Variants in SNX29 observed in about 807,000 individuals in gnomAD.
SNX29 encodes sorting nexin 29.
SNX29 carries 78 observed loss-of-function variants against 102.1 expected under a neutral mutation model. The ratio of observed to expected loss-of-function variants is 0.76; its 90% CI spans 0.64 to 0.92. The LOEUF (loss-of-function observed/expected upper bound fraction) is 0.92. SNX29 is among the 40% of genes least tolerant of loss of function. The pLI, the probability that SNX29 is intolerant of heterozygous loss-of-function variation, is 0.00. For synonymous variants in SNX29, 580 were observed against 414.5 expected, an observed-to-expected ratio of 1.40 and a Z score of -4.85; for missense variants, 1,280 against 1,061.7, an observed-to-expected ratio of 1.21 and a Z score of -2.86.
At chr16:12,350,384 G>A (rs921725111) in intron 15 of SNX29, among the ~76,000 whole-genome samples, 7 of 152,172 alleles carry the variant, frequency 4.6e-5, no homozygotes, top group Non-Finnish European at 8.8e-5. Flanking sequence ...ATGATTTAGA[G>A]TATACAGGAG....
At chr16:12,110,194 G>C (rs781774649) in intron 11 of SNX29, among the ~76,000 whole-genome samples, 1 of 152,040 alleles carries the variant, frequency 6.6e-6, no homozygotes, top group Non-Finnish European at 1.5e-5. Context: ...GCTCTCAGAT[G>C]ACTCTCTTCC....
chr16:12,537,747 C>T (rs191950081), intron 20 of SNX29, among the ~76,000 whole-genome samples: 1 of 152,060 alleles, frequency 6.6e-6, no homozygotes, highest in Non-Finnish European at 1.5e-5. Context: ...ACAATGACCT[C>T]TATCCTATGT....
At chr16:12,173,510 C>G (rs570441328) in intron 13 of SNX29, among the ~76,000 whole-genome samples, 1 of 152,320 alleles carries the variant, frequency 6.6e-6, no homozygotes, top group South Asian at 2.1e-4. Flanking sequence ...CTTCAGTGCC[C>G]AAGTGCTGAG....
intron 15 of SNX29, among the ~76,000 whole-genome samples, chr16:12,323,532 A>C (rs910411588): frequency 6.6e-6 from 1 of 151,024 alleles, no homozygotes; most frequent in Non-Finnish European, 1.5e-5. Context: ...AAAAAAAAAA[A>C]TGGTGAACAA....
chr16:12,403,204 G>GTA (rs201925283), intron 17 of SNX29, among the ~76,000 whole-genome samples: 8,786 of 39,878 alleles, frequency 0.22, 295 homozygotes, highest in Middle Eastern at 0.32. Flanking sequence ...GTGTGTGTAT[G>GTA]TGTGTGTGTG....
intron 13 of SNX29, among the ~76,000 whole-genome samples, chr16:12,198,863 A>G (rs1036425071): frequency 1.3e-5 from 2 of 152,246 alleles, no homozygotes; most frequent in African/African-American, 4.8e-5. Context: ...GAGTGGATGC[A>G]TGCTTGGTTC....
chr16:12,230,480 T>C (rs1253932047), intron 14 of SNX29, among the ~76,000 whole-genome samples: 1 of 152,200 alleles, frequency 6.6e-6, no homozygotes. Flanking sequence ...TGACAGCTTG[T>C]TTGTGGAAAC....
chr16:12,521,590 A>G (rs1184883153), intron 19 of SNX29, among the ~76,000 whole-genome samples: 2 of 152,104 alleles, frequency 1.3e-5, no homozygotes, highest in East Asian at 1.9e-4. Context: ...AATCTTCACA[A>G]GTTTTTGCAG....
At chr16:12,548,678 A>C (rs1370285937) in intron 20 of SNX29, among the ~76,000 whole-genome samples, 1 of 152,222 alleles carries the variant, frequency 6.6e-6, no homozygotes, top group African/African-American at 2.4e-5. Context: ...AGTGAAGTTT[A>C]AAGCCCAGAG....
intron 20 of SNX29, among the ~76,000 whole-genome samples, chr16:12,537,118 C>G (rs1426109845): frequency 6.6e-6 from 1 of 152,200 alleles, no homozygotes; most frequent in African/African-American, 2.4e-5. Context: ...TTCCTCCCAG[C>G]TGTTGGTGAA....
chr16:12,487,932 T>G (rs770682896), intron 19 of SNX29, among the ~76,000 whole-genome samples: 2 of 152,160 alleles, frequency 1.3e-5, no homozygotes, highest in Non-Finnish European at 2.9e-5. Context: ...GTGTTTCTCT[T>G]TAATACAGTA....
intron 19 of SNX29, among the ~76,000 whole-genome samples, chr16:12,517,481 C>T (rs2089916279): frequency 6.6e-6 from 1 of 152,238 alleles, no homozygotes; most frequent in South Asian, 2.1e-4. Context: ...GTCCACTCCA[C>T]CACCAGGGAT....
In SNX29 at chr16:12,540,066, T is replaced by G. The variant is rs952270854; in HGVS notation, c.2318+15225T>G. Among the ~76,000 whole-genome samples, 3 of 152,244 alleles carry G rather than the reference T, an allele frequency of 2.0e-5. No individual in the cohort carries two copies. In the East Asian group the frequency reaches 5.8e-4, roughly 29 times the overall value. The stretch of plus-strand genomic sequence containing the variant: ...ACTTTTTGTGTCCCAGATCATGCTT[T>G]TGGTGTCATGTCTACCAATTGTTAG... On this transcript the variant is annotated intron_variant, in intron 20 of 20. Coordinates refer to ENST00000566228, the MANE Select transcript of SNX29 (RefSeq NM_032167.5).
chr16:12,338,453 C>A (rs762757013), intron 15 of SNX29, among the ~76,000 whole-genome samples: 3 of 152,206 alleles, frequency 2.0e-5, no homozygotes, highest in Non-Finnish European at 4.4e-5. Context: ...AGCTCATCCC[C>A]TCTTAGGTTC....
intron 1 of SNX29, among the ~76,000 whole-genome samples, chr16:11,992,081 G>A (rs2055875400): frequency 6.6e-6 from 1 of 152,216 alleles, no homozygotes; most frequent in African/African-American, 2.4e-5. Context: ...GATCATTTGA[G>A]GCCAGGAGTT....
At chr16:12,092,113 T>C (rs1247728915) in intron 11 of SNX29, among the ~76,000 whole-genome samples, 1 of 152,192 alleles carries the variant, frequency 6.6e-6, no homozygotes, top group Non-Finnish European at 1.5e-5. Context: ...CCCTGGCTGC[T>C]GACTTCAGGT....
intron 18 of SNX29, among the ~76,000 whole-genome samples, chr16:12,443,554 G>C (rs554613091): frequency 1.3e-5 from 2 of 152,256 alleles, no homozygotes; most frequent in East Asian, 3.9e-4. Context: ...CCCTTCAAGC[G>C]ATTCTCCTGC....
intron 20 of SNX29, among the ~76,000 whole-genome samples, chr16:12,559,952 C>G (rs895736252): frequency 6.6e-6 from 1 of 152,104 alleles, no homozygotes; most frequent in Non-Finnish European, 1.5e-5. Flanking sequence ...GCACTCCAGC[C>G]TGGGCAACAG....
Position 12,303,032 on chromosome 16 carries a change from C to A in SNX29, c.1782+24996C>A, listed in dbSNP as rs190110999. ...TCTGGCTATGTGAGACCCTTTTGTTCTTGAAGTAAGCTAGATAAAAGGCAG... is the reference window on the plus strand; with the variant it reads ...TCTGGCTATGTGAGACCCTTTTGTTATTGAAGTAAGCTAGATAAAAGGCAG... On this transcript the variant is annotated intron_variant, in intron 15 of 20. Coordinates refer to ENST00000566228, the MANE Select transcript of SNX29 (RefSeq NM_032167.5). 3.3e-5 allele frequency among the ~76,000 whole-genome samples: 5 copies of A among 152,270 alleles called. No homozygotes were observed. The East Asian group carries it at 7.7e-4, about 23-fold the overall frequency.
Sources: allele counts gnomAD v4.1 joint callset (sites outside exome capture counted in the v4.1 genomes callset), GRCh38; gene constraint gnomAD v4.1.1; transcripts MANE v1.5; gene names NCBI Gene and HGNC (gene_info 2026-07-23, HGNC 2026-07-21).